Variants in PKD2L2 observed in about 807,000 individuals in gnomAD.
PKD2L2 encodes polycystin-2-like protein 2.
PKD2L2 carries 67 observed loss-of-function variants against 83.9 expected under a neutral mutation model. The ratio of observed to expected loss-of-function variants is 0.80; its 90% CI spans 0.66 to 0.98. The LOEUF (loss-of-function observed/expected upper bound fraction) is 0.98. PKD2L2 is among the 50% of genes least tolerant of loss of function. The pLI, the probability that PKD2L2 is intolerant of heterozygous loss-of-function variation, is 0.00. For missense variants in PKD2L2, 632 were observed against 717.2 expected (o/e 0.88, Z 1.36); for synonymous variants, 223 against 237.8 (o/e 0.94, Z 0.57).
rs750706466 is a variant in PKD2L2 at position 137,918,961 on chromosome 5, TGTGTGTGA to T, written c.1329-2667_1329-2660del. 1.2e-3 allele frequency among the ~76,000 whole-genome samples: 179 copies of T among 148,876 alleles called. 4 individuals are homozygous for T. Among genetic ancestry groups the T allele is most frequent in the Middle Eastern group, 0.01 (3 of 286 alleles). ...CCTGCACAATGTGTGTGTGTGTGTG[TGTGTGTGA>T]GTGTGTGTGTGTGTGTGTAGGGAGA... On this transcript the variant is annotated intron_variant, in intron 8 of 14. Coordinates refer to ENST00000508883, the MANE Select transcript of PKD2L2 (RefSeq NM_001300921.2).
chr5:137,899,231 C>T (rs1248235333), intron 4 of PKD2L2, among the ~76,000 whole-genome samples: 2 of 152,286 alleles, frequency 1.3e-5, no homozygotes, highest in East Asian at 3.9e-4. Context: ...ATCCTCCTAC[C>T]TCAGTCTCCT....
intron 12 of PKD2L2, among the ~76,000 whole-genome samples, chr5:137,928,663 C>A (rs13177550): frequency 6.6e-6 from 1 of 152,234 alleles, no homozygotes; most frequent in Non-Finnish European, 1.5e-5. Context: ...AGCTTCCGGG[C>A]TCAAGTGATC....
At chr5:137,891,967 C>T (rs1444561780) in intron 2 of PKD2L2, among the ~76,000 whole-genome samples, 2 of 152,068 alleles carry the variant, frequency 1.3e-5, no homozygotes, top group Non-Finnish European at 2.9e-5. Flanking sequence ...ATTATGGGTG[C>T]AACACCACGC....
chr5:137,924,664 A>G (rs182998687), intron 10 of PKD2L2, among the ~76,000 whole-genome samples: 37 of 152,342 alleles, frequency 2.4e-4, no homozygotes, highest in Admixed American at 1.9e-3. Context: ...AACAAACCAA[A>G]AAAACTGTAA....
At chr5:137,907,598 C>T (rs1286646494) in intron 6 of PKD2L2, 144 bp from the exon 7 acceptor site, 3 of 432,706 alleles carry the variant, frequency 6.9e-6, no homozygotes, top group East Asian at 6.9e-5. Flanking sequence ...AGGGTAATTT[C>T]CATTTATGTA....
chr5:137,934,498 C>A (rs1440656518), intron 12 of PKD2L2, among the ~76,000 whole-genome samples: 1 of 152,108 alleles, frequency 6.6e-6, no homozygotes, highest in East Asian at 1.9e-4. Flanking sequence ...TGAAAGCCAT[C>A]CTTTCCTACT....
chr5:137,892,500 C>A lies in PKD2L2; in HGVS notation c.154C>A (p.Pro52Thr). The A allele has an allele frequency of 1.3e-6, 2 of 1,562,432 alleles. No homozygotes were observed. The highest frequency in any genetic ancestry group is 1.2e-5 in the South Asian group (1 of 82,656). Residue 52 changes from proline (P) to threonine (T), a missense_variant, in exon 3 of 15, where the codon CCA (proline) becomes ACA (threonine). Transcript: ENST00000508883. Reference sequence around the variant, plus strand: ...CTTAGTGACTTTTGGGATGGTAAACCCACATATGTATTACTTAAACAAGGT... The same window carrying A: ...CTTAGTGACTTTTGGGATGGTAAACACACATATGTATTACTTAAACAAGGT... ...LCILTFGMVN[P>T]HMYYLNKVMS...
chr5:137,904,734 A>G (rs1757229087), intron 5 of PKD2L2, among the ~76,000 whole-genome samples: 1 of 152,196 alleles, frequency 6.6e-6, no homozygotes, highest in Admixed American at 6.5e-5. Context: ...CTATATAACA[A>G]ACCTGCACAT....
At chr5:137,936,460 C>CTTTT in intron 14 of PKD2L2, 33 bp downstream of exon 14, 4 of 1,265,042 alleles carry the variant, frequency 3.2e-6, no homozygotes, top group South Asian at 1.5e-5. Context: ...TTGAGCATTT[C>CTTTT]TTTTTTTTTT....
intron 8 of PKD2L2, among the ~76,000 whole-genome samples, chr5:137,921,148 G>C (rs1758859249): frequency 6.6e-6 from 1 of 152,058 alleles, no homozygotes; most frequent in Non-Finnish European, 1.5e-5. Context: ...ATCACTTGAG[G>C]CCAGGAGTTT....
chr5:137,937,948 A>G (rs1356591209), intron 14 of PKD2L2: 1 of 151,914 alleles, frequency 6.6e-6, no homozygotes, highest in Non-Finnish European at 1.5e-5. Flanking sequence ...ACAAACATAC[A>G]TTTACAATGA....
chr5:137,896,683 A>T (rs1443530487), intron 4 of PKD2L2, among the ~76,000 whole-genome samples: 1 of 152,088 alleles, frequency 6.6e-6, no homozygotes, highest in Non-Finnish European at 1.5e-5. Flanking sequence ...AAGAGCTGGA[A>T]TTACAGGTGT....
intron 4 of PKD2L2, among the ~76,000 whole-genome samples, chr5:137,894,907 T>A (rs866078732): frequency 6.6e-6 from 1 of 152,194 alleles, no homozygotes; most frequent in Non-Finnish European, 1.5e-5. Context: ...GGTCAATTAA[T>A]CTGCTTTTCT....
chr5:137,894,811 A>C (rs1295678190), intron 4 of PKD2L2, among the ~76,000 whole-genome samples: 1 of 152,156 alleles, frequency 6.6e-6, no homozygotes, highest in Non-Finnish European at 1.5e-5. Context: ...TTAGGATGCA[A>C]AGTGTTTTCT....
intron 6 of PKD2L2, 74 bp from the exon 7 acceptor site, chr5:137,907,668 G>A: frequency 1.2e-6 from 1 of 848,492 alleles, no homozygotes; most frequent in Non-Finnish European, 1.7e-6. Flanking sequence ...CTTTTTTTGT[G>A]TTTCCTCATA....
At chr5:137,937,171 T>A (rs564102187) in intron 14 of PKD2L2, among the ~76,000 whole-genome samples, 1 of 152,306 alleles carries the variant, frequency 6.6e-6, no homozygotes, top group South Asian at 2.1e-4. Context: ...TGGGAAACCA[T>A]TATATAAGAC....
intron 10 of PKD2L2, among the ~76,000 whole-genome samples, chr5:137,924,640 G>T (rs1228815784): frequency 6.6e-6 from 1 of 152,128 alleles, no homozygotes; most frequent in African/African-American, 2.4e-5. Flanking sequence ...CTTTGTCCAA[G>T]AACTAATCTG....
At chr5:137,919,836 T>C (rs1438042402) in intron 8 of PKD2L2, among the ~76,000 whole-genome samples, 2 of 152,216 alleles carry the variant, frequency 1.3e-5, no homozygotes, top group Non-Finnish European at 2.9e-5. Context: ...TTGCTCCTTT[T>C]ATGTGATTGG....
rs766936153 is a variant in PKD2L2 at position 137,892,560 on chromosome 5, G to C, written c.214G>C (p.Gly72Arg). The C allele has an allele frequency of 1.9e-6, 3 of 1,612,012 alleles. No homozygotes were observed. The highest frequency in any genetic ancestry group is 4.5e-5 in the East Asian group (2 of 44,700). ...TCTATTTTTGGACACTTCTGTGCCTGGTGAAGAAAGAACCAACTTTAAGTC... is the reference window on the plus strand; with the variant it reads ...TCTATTTTTGGACACTTCTGTGCCTCGTGAAGAAAGAACCAACTTTAAGTC... Reference protein sequence around the residue: ...SSLFLDTSVPGEERTNFKSIR... With the variant: ...SSLFLDTSVPREERTNFKSIR... Residue 72 changes from glycine to arginine, a missense_variant, in exon 3 of 15, where the codon GGT becomes CGT. Physicochemically the swap from Gly to Arg is moderately radical, Grantham distance 125. Coordinates refer to ENST00000508883, the MANE Select transcript of PKD2L2 (RefSeq NM_001300921.2).
Sources: gnomAD v4.1 joint callset for allele counts (sites outside exome capture counted in the v4.1 genomes callset) on GRCh38, gnomAD v4.1.1 for gene constraint, MANE v1.5 for transcripts, NCBI Gene and HGNC (gene_info 2026-07-23, HGNC 2026-07-21) for gene names.